Variants in RBMS3 observed in about 807,000 individuals in gnomAD.
RBMS3 encodes RNA-binding motif, single-stranded-interacting protein 3.
A neutral mutation model predicts 66.8 loss-of-function variants in RBMS3; 27 were observed. The ratio of observed to expected loss-of-function variants is 0.40; its 90% confidence interval spans 0.30 to 0.56. The LOEUF (loss-of-function observed/expected upper bound fraction) is 0.56. RBMS3 is among the 20% of genes least tolerant of loss of function. The pLI is 0.40. For missense variants in RBMS3, 513 were observed against 549.5 expected, an observed-to-expected ratio of 0.93 and a Z score of 0.66; for synonymous variants, 188 against 183.0, an observed-to-expected ratio of 1.03 and a Z score of -0.22.
intron 6 of RBMS3, among the ~76,000 whole-genome samples, chr3:29,830,201 G>T (rs1559716257): frequency 6.6e-6 from 1 of 151,566 alleles, no homozygotes; most frequent in Non-Finnish European, 1.5e-5. Flanking sequence ...AATTGTGCTG[G>T]GGTCAAGTTG....
intron 1 of RBMS3, among the ~76,000 whole-genome samples, chr3:29,346,603 C>T (rs1338111230): frequency 6.6e-5 from 10 of 151,866 alleles, no homozygotes; most frequent in Non-Finnish European, 1.5e-4. Flanking sequence ...GGGGTTTCAA[C>T]AGGTTGACCG....
chr3:29,939,190 G>A (rs1043160684), intron 11 of RBMS3, among the ~76,000 whole-genome samples: 2 of 151,906 alleles, frequency 1.3e-5, no homozygotes, highest in African/African-American at 4.8e-5. Flanking sequence ...GTAGAGTCCA[G>A]CCAAGTCATA....
At chr3:29,309,220 A>G (rs2034219969) in intron 1 of RBMS3, among the ~76,000 whole-genome samples, 1 of 151,742 alleles carries the variant, frequency 6.6e-6, no homozygotes. Flanking sequence ...CCACCTGAAA[A>G]AAAGAGGAGA....
At chr3:29,295,925 G>A (rs1161047047) in intron 1 of RBMS3, among the ~76,000 whole-genome samples, 13 of 151,642 alleles carry the variant, frequency 8.6e-5, no homozygotes. Context: ...ATTACACAAG[G>A]ATTAACATCT....
At chr3:29,970,277 G>C (rs541706337) in intron 12 of RBMS3, among the ~76,000 whole-genome samples, 1 of 152,178 alleles carries the variant, frequency 6.6e-6, no homozygotes, top group African/African-American at 2.4e-5. Context: ...TAGCATTCAA[G>C]GACCAAGAAA....
At chr3:29,291,854 G>A (rs1393873141) in intron 1 of RBMS3, among the ~76,000 whole-genome samples, 1 of 151,612 alleles carries the variant, frequency 6.6e-6, no homozygotes, top group African/African-American at 2.4e-5. Flanking sequence ...ACAAGTGGTT[G>A]GGCAACCTGA....
intron 1 of RBMS3, among the ~76,000 whole-genome samples, chr3:29,296,660 C>G (rs776721618): frequency 3.3e-5 from 5 of 151,716 alleles, no homozygotes; most frequent in Non-Finnish European, 7.4e-5. Context: ...TATTTGCTAC[C>G]TAAAATATGT....
chr3:29,662,427 T>A (rs1463803241), intron 4 of RBMS3, among the ~76,000 whole-genome samples: 2 of 152,206 alleles, frequency 1.3e-5, no homozygotes, highest in Non-Finnish European at 2.9e-5. Context: ...ATATGTTAAC[T>A]CAGTCCATTT....
At chr3:29,670,863 G>C (rs1013564750) in intron 4 of RBMS3, among the ~76,000 whole-genome samples, 1 of 152,220 alleles carries the variant, frequency 6.6e-6, no homozygotes, top group African/African-American at 2.4e-5. Flanking sequence ...AACTTCTGCA[G>C]ACTTAAACGC....
intron 5 of RBMS3, among the ~76,000 whole-genome samples, chr3:29,740,158 G>A (rs1191709047): frequency 6.6e-6 from 1 of 152,042 alleles, no homozygotes; most frequent in African/African-American, 2.4e-5. Flanking sequence ...CTCTGTGCCT[G>A]TGGATCAACA....
chr3:29,925,223 T>G (rs1199535581), intron 10 of RBMS3: 1 of 152,234 alleles, frequency 6.6e-6, no homozygotes, highest in Admixed American at 6.5e-5. Context: ...GGAATTTTAC[T>G]TCTAACACCT....
intron 4 of RBMS3, among the ~76,000 whole-genome samples, chr3:29,601,167 A>T (rs1480149654): frequency 1.3e-5 from 2 of 151,620 alleles, no homozygotes; most frequent in African/African-American, 4.8e-5. Context: ...CATAATAAAG[A>T]TGTATAAATA....
At chr3:29,378,504 A>C (rs989617713) in intron 1 of RBMS3, among the ~76,000 whole-genome samples, 1 of 150,948 alleles carries the variant, frequency 6.6e-6, no homozygotes, top group Non-Finnish European at 1.5e-5. Flanking sequence ...AAAAACAAAA[A>C]ACAACTGTCT....
At chr3:29,815,351 A>G (rs115431328) in intron 6 of RBMS3, among the ~76,000 whole-genome samples, 2,073 of 152,266 alleles carry the variant, frequency 0.014, 44 homozygotes, top group African/African-American at 0.047. Context: ...TAGAACTTCG[A>G]AGACTTAAAA....
At chr3:29,652,591 T>G in intron 4 of RBMS3, among the ~76,000 whole-genome samples, 1 of 152,062 alleles carries the variant, frequency 6.6e-6, no homozygotes, top group Non-Finnish European at 1.5e-5. Context: ...AGAGACAAAA[T>G]TAAAATTTCC....
At chr3:29,627,196 A>G (rs920943889) in intron 4 of RBMS3, among the ~76,000 whole-genome samples, 1 of 152,166 alleles carries the variant, frequency 6.6e-6, no homozygotes, top group Non-Finnish European at 1.5e-5. Flanking sequence ...AGTGCTGACA[A>G]GGACATCTAC....
chr3:29,465,425 G>A (rs1332481266), intron 2 of RBMS3, among the ~76,000 whole-genome samples: 1 of 152,046 alleles, frequency 6.6e-6, no homozygotes, highest in Non-Finnish European at 1.5e-5. Flanking sequence ...TAGTTAATAT[G>A]TTCCTCCAGA....
chr3:29,330,039 T>C (rs2035564841), intron 1 of RBMS3, among the ~76,000 whole-genome samples: 1 of 152,008 alleles, frequency 6.6e-6, no homozygotes, highest in South Asian at 2.1e-4. Flanking sequence ...TTGTGAAATA[T>C]ACATCTTACT....
At chr3:29,675,153 T>C (rs1462072946) in intron 4 of RBMS3, among the ~76,000 whole-genome samples, 1 of 151,950 alleles carries the variant, frequency 6.6e-6, no homozygotes, top group Admixed American at 6.6e-5. Context: ...TTTGACAAAC[T>C]TGACAAAAAC....
Sources: gnomAD v4.1 joint callset for allele counts (sites outside exome capture counted in the v4.1 genomes callset) on GRCh38, gnomAD v4.1.1 for gene constraint, MANE v1.5 for transcripts, NCBI Gene and HGNC (gene_info 2026-07-23, HGNC 2026-07-21) for gene names.